The following THAP5 variants were observed in gnomAD, a reference collection of about 807,000 sequenced individuals.
The protein encoded by THAP5 is THAP domain containing 5.
In THAP5, 26 loss-of-function variants were observed where a neutral mutation model predicts 34.0. The ratio of observed to expected loss-of-function variants is 0.77; its 90% confidence interval spans 0.56 to 1.06. The LOEUF is 1.06. THAP5 is among the 50% of genes least tolerant of loss of function. The pLI, the probability that THAP5 is intolerant of heterozygous loss-of-function variation, is 0.00. For synonymous variants in THAP5, 125 were observed against 153.0 expected, an observed-to-expected ratio of 0.82 and a Z score of 1.35; for missense variants, 394 against 452.8, an observed-to-expected ratio of 0.87 and a Z score of 1.18.
intron 1 of THAP5, chr7:108,568,568 G>C (rs1790537610): frequency 6.5e-6 from 1 of 154,626 alleles, no homozygotes; most frequent in South Asian, 2.0e-4. Flanking sequence ...TAATGAATAA[G>C]TCCTTCAGGT....
chr7:108,551,408 A>G (rs1285846529), downstream of THAP5, among the ~76,000 whole-genome samples: 4 of 152,186 alleles, frequency 2.6e-5, no homozygotes, highest in Non-Finnish European at 5.9e-5. Context: ...ATGAGGACAC[A>G]ATGTTCATCC....
At chr7:108,546,097 TA>T in the THAP5 span, among the ~76,000 whole-genome samples, 2 of 152,214 alleles carry the variant, frequency 1.3e-5, no homozygotes, top group Non-Finnish European at 2.9e-5. Flanking sequence ...AAGCATTTAC[TA>T]AATAGTACTT....
downstream of THAP5, among the ~76,000 whole-genome samples, chr7:108,560,975 C>A (rs1272029277): frequency 6.6e-6 from 1 of 152,072 alleles, no homozygotes; most frequent in Non-Finnish European, 1.5e-5. Context: ...CTCAGGTGAT[C>A]CTCCTGCTTT....
At chr7:108,552,687 C>T (rs1466027745), downstream of THAP5, among the ~76,000 whole-genome samples, 3 of 152,160 alleles carry the variant, frequency 2.0e-5, no homozygotes, top group Non-Finnish European at 4.4e-5. Flanking sequence ...GTAATCCCAG[C>T]TACTCGGGAG....
At chr7:108,555,168 A>AT (rs35410470) in intron 1 of THAP5, among the ~76,000 whole-genome samples, 286 of 146,706 alleles carry the variant, frequency 1.9e-3, no homozygotes, top group South Asian at 5.9e-3. Context: ...TACAAACAAC[A>AT]TTTTTTTTTT....
In THAP5 at chr7:108,564,271, T is replaced by C; in HGVS notation, c.1108A>G (p.Lys370Glu). ...KSLEALIRQL[K>E]QENWLSEENV... ...TCTTCAGATAGCCAGTTTTCCTGCT[T>C]TAGCTGCCTTATAAGAGCTTCCAAA... Residue 370 changes from lysine (K) to glutamate (E), a missense_variant, in exon 3 of 3, where the codon AAG becomes GAG. Coordinates refer to ENST00000415914, the MANE Select transcript of THAP5 (RefSeq NM_001130475.3). The C allele has an allele frequency of 6.2e-7, 1 of 1,613,272 alleles. No individual in the cohort carries two copies. Among genetic ancestry groups the C allele is most frequent in the South Asian group, 1.1e-5 (1 of 91,006 alleles).
downstream of THAP5, among the ~76,000 whole-genome samples, chr7:108,550,054 G>GT (rs912613316): frequency 1.1e-4 from 17 of 152,204 alleles, no homozygotes; most frequent in African/African-American, 3.4e-4. Context: ...AAGATAAACA[G>GT]TTTTTTTATT....
intron 1 of THAP5, chr7:108,569,228 A>G: frequency 7.3e-7 from 1 of 1,368,034 alleles, no homozygotes; most frequent in African/African-American, 1.5e-5. Flanking sequence ...AAAACCACAG[A>G]AGCCCGCGCA....
chr7:108,556,212 C>T (rs1252568385), intron 1 of THAP5, among the ~76,000 whole-genome samples: 1 of 152,168 alleles, frequency 6.6e-6, no homozygotes, highest in Non-Finnish European at 1.5e-5. Flanking sequence ...AAGAGCCAAA[C>T]CATATCATTC....
Position 108,569,704 on chromosome 7 carries a change from T to C in THAP5, c.-135A>G, listed in dbSNP as rs915047634. ...GCATTCTGCCGGGAAAGCCGCCTCG[T>C]CTGTCGACTCACTTCCGCCTCCTCC... On this transcript the variant is annotated 5_prime_UTR_variant, in exon 1 of 3. Coordinates refer to ENST00000415914, the MANE Select transcript of THAP5 (RefSeq NM_001130475.3). 107 of 1,183,026 alleles carry C rather than the reference T, an allele frequency of 9.0e-5. No homozygotes were observed. The highest frequency in any genetic ancestry group is 1.2e-4 in the Non-Finnish European group (104 of 843,940). 73.3% of individuals were successfully genotyped at this position (1,183,026 alleles called of 1,614,324 possible). A position where few individuals can be genotyped will look rare whatever the true frequency, so the allele number is the denominator to read the frequency against.
Position 108,569,617 on chromosome 7 carries a change from C to A in THAP5, c.-48G>T, listed in dbSNP as rs1790569020. The A allele has an allele frequency of 1.3e-6, 2 of 1,546,334 alleles. No homozygotes were observed. Among genetic ancestry groups the A allele is most frequent in the South Asian group, 2.4e-5 (2 of 83,988 alleles). On this transcript the variant is annotated 5_prime_UTR_variant, in exon 1 of 3. Coordinates refer to ENST00000415914, the MANE Select transcript of THAP5 (RefSeq NM_001130475.3). ...ACCGGGGCCGGCGACGGATGCAGGG[C>A]GGCCCTCCTCACTGAGGATGCGCCA...
At chr7:108,568,332 A>G in intron 1 of THAP5, 1 of 152,522 alleles carries the variant, frequency 6.6e-6, no homozygotes, top group Non-Finnish European at 1.5e-5. Flanking sequence ...CAGCCTCCCG[A>G]GCAGCTGAGA....
downstream of THAP5, among the ~76,000 whole-genome samples, chr7:108,550,791 C>A (rs1427762499): frequency 2.0e-5 from 3 of 152,160 alleles, no homozygotes; most frequent in African/African-American, 7.2e-5. Context: ...TAAGGCTCAC[C>A]CTAATGGCCT....
In THAP5 at chr7:108,562,198, C is replaced by T. The variant is rs1459360830; in HGVS notation, c.*1993G>A. On this transcript the variant is annotated 3_prime_UTR_variant, in exon 3 of 3. Transcript: ENST00000415914. The stretch of plus-strand genomic sequence containing the variant: ...TAAATTTTTTCTGAGGAACCTGTAA[C>T]TTTCAGAAAATTACTACAATGTACA... 1 of 152,130 alleles carries T rather than the reference C, an allele frequency of 6.6e-6. No homozygotes were observed. Among genetic ancestry groups the T allele is most frequent in the African/African-American group, 2.4e-5 (1 of 41,424 alleles). The allele number at this position is 152,130 out of a possible 1,614,324, so 9.4% of individuals were successfully genotyped here. A position where few individuals can be genotyped will look rare whatever the true frequency, so the allele number is the denominator to read the frequency against.
intron 1 of THAP5, among the ~76,000 whole-genome samples, chr7:108,555,360 G>A (rs934956270): frequency 4.6e-5 from 7 of 152,026 alleles, no homozygotes; most frequent in Non-Finnish European, 1.0e-4. Flanking sequence ...TAGAGGAGGG[G>A]TTTCACTGTG....
chr7:108,544,814 T>C, the THAP5 span, among the ~76,000 whole-genome samples: 1 of 151,950 alleles, frequency 6.6e-6, no homozygotes, highest in Admixed American at 6.6e-5. Context: ...CACATCACCA[T>C]GCCCAGCTAA....
intron 2 of THAP5, 99 bp from the exon 3 acceptor site, chr7:108,565,204 C>G: frequency 1.1e-6 from 1 of 936,410 alleles, no homozygotes; most frequent in Non-Finnish European, 1.5e-6. Context: ...ACTGGCCAAG[C>G]AAATTTATTT....
At position 108,569,515 on chromosome 7, in the gene THAP5, T is replaced by C. The variant is rs1381423798; in HGVS notation, c.55A>G (p.Lys19Glu). The change falls in exon 1 of 3, where the codon AAA becomes GAA. Residue 19 changes from lysine to glutamate, a missense_variant. Physicochemically the swap from Lys to Glu is moderately conservative, Grantham distance 56 (BLOSUM62 1). Coordinates refer to ENST00000415914, the MANE Select transcript of THAP5 (RefSeq NM_001130475.3). Reference protein sequence around the residue: ...CCKNRRGRNNKDRKLSFYPFP... With the variant: ...CCKNRRGRNNEDRKLSFYPFP... ...GGATAAAAACTCAGCTTCCGGTCTT[T>C]ATTGTTTCGTCCCCGGCGGTTCTTA... 6.4e-7 allele frequency: 1 copy of C among 1,551,700 alleles called. No individual in the cohort carries two copies. Among genetic ancestry groups the C allele is most frequent in the African/African-American group, 1.4e-5 (1 of 73,074 alleles).
the THAP5 span, among the ~76,000 whole-genome samples, chr7:108,544,480 G>A: frequency 1.3e-5 from 2 of 151,284 alleles, no homozygotes; most frequent in African/African-American, 4.9e-5. Flanking sequence ...GCAGAGAGCC[G>A]AGATCGCGCC....
Sources: allele counts gnomAD v4.1 joint callset (sites outside exome capture counted in the v4.1 genomes callset), GRCh38; gene constraint gnomAD v4.1.1; transcripts MANE v1.5; gene names NCBI Gene and HGNC (gene_info 2026-07-23, HGNC 2026-07-21).